Variants in SLC39A8 observed in about 807,000 individuals in gnomAD.
SLC39A8 encodes metal cation symporter ZIP8.
SLC39A8 carries 15 observed loss-of-function variants against 40.4 expected under a neutral mutation model. The ratio of observed to expected loss-of-function variants is 0.37; its 90% CI spans 0.25 to 0.57. SLC39A8 has a LOEUF of 0.57. Among genes scored for constraint, SLC39A8 ranks in the 20% least tolerant of loss-of-function variants. The pLI, the probability that SLC39A8 is intolerant of heterozygous loss-of-function variation, is 0.75. For missense variants in SLC39A8, 472 were observed against 558.8 expected (o/e 0.84, Z 1.57); for synonymous variants, 223 against 221.6 (o/e 1.01, Z -0.06).
At chr4:102,273,623 G>A (rs1178449818) in intron 6 of SLC39A8, among the ~76,000 whole-genome samples, 1 of 152,168 alleles carries the variant, frequency 6.6e-6, no homozygotes, top group Non-Finnish European at 1.5e-5. Context: ...TCCTCAAGTG[G>A]GTCCCTGACC....
At chr4:102,320,450 G>A (rs1285744056) in intron 2 of SLC39A8, among the ~76,000 whole-genome samples, 4 of 91,464 alleles carry the variant, frequency 4.4e-5, no homozygotes, top group African/African-American at 1.9e-4. Context: ...ATATATATAT[G>A]AGAGTATATA....
At chr4:102,255,289 A>T (rs1044224093) in intron 11 of SLC39A8, among the ~76,000 whole-genome samples, 1 of 152,220 alleles carries the variant, frequency 6.6e-6, no homozygotes, top group Non-Finnish European at 1.5e-5. Flanking sequence ...AGTTAAAGCC[A>T]AAAAGGACAT....
intron 8 of SLC39A8, among the ~76,000 whole-genome samples, chr4:102,265,698 AG>A (rs1300766472): frequency 6.6e-6 from 1 of 152,258 alleles, no homozygotes; most frequent in African/African-American, 2.4e-5. Flanking sequence ...GGATGTTTAA[AG>A]GTTTTAGTAC....
intron 2 of SLC39A8, among the ~76,000 whole-genome samples, chr4:102,323,154 C>A (rs1365295719): frequency 6.6e-6 from 1 of 152,198 alleles, no homozygotes; most frequent in Non-Finnish European, 1.5e-5. Flanking sequence ...TAATAAGAAT[C>A]CACCTATAAT....
At chr4:102,303,081 T>C (rs775757942) in intron 6 of SLC39A8, among the ~76,000 whole-genome samples, 1 of 151,994 alleles carries the variant, frequency 6.6e-6, no homozygotes, top group Non-Finnish European at 1.5e-5. Context: ...CAGATTGCTC[T>C]ATTTTTTTTG....
intron 2 of SLC39A8, among the ~76,000 whole-genome samples, chr4:102,316,898 AAG>A (rs1348246323): frequency 6.6e-6 from 1 of 152,136 alleles, no homozygotes; most frequent in Admixed American, 6.6e-5. Context: ...CACTTATAAA[AAG>A]AGACATCAAA....
At chr4:102,257,061 G>A (rs1731725242), downstream of SLC39A8, among the ~76,000 whole-genome samples, 1 of 152,004 alleles carries the variant, frequency 6.6e-6, no homozygotes, top group South Asian at 2.1e-4. Context: ...TTGAGAATAA[G>A]CATTTATAAA....
chr4:102,267,441 C>G, intron 8 of SLC39A8, 49 bp downstream of exon 8: 1 of 1,507,714 alleles, frequency 6.6e-7, no homozygotes, highest in Non-Finnish European at 8.9e-7. Flanking sequence ...TCCAGATACT[C>G]ATTTCCAAAT....
At chr4:102,313,548 T>C (rs1032986839) in intron 3 of SLC39A8, among the ~76,000 whole-genome samples, 1 of 152,104 alleles carries the variant, frequency 6.6e-6, no homozygotes, top group African/African-American at 2.4e-5. Context: ...ACTCTCTTTA[T>C]CTATCTATAC....
intron 6 of SLC39A8, among the ~76,000 whole-genome samples, chr4:102,276,500 CT>C (rs35032137): frequency 0.62 from 94,431 of 151,858 alleles, 29,896 homozygotes; most frequent in Middle Eastern, 0.73. Context: ...AATTAATAGT[CT>C]TAACAACCAA....
rs765148164 is a variant in SLC39A8, at chr4:102,315,849, A to C, written c.220-19T>G. 1.8e-5 allele frequency: 28 copies of C among 1,591,430 alleles called. No homozygotes were observed. Among genetic ancestry groups the C allele is most frequent in the African/African-American group, 4.1e-5 (3 of 73,474 alleles). On this transcript the variant is annotated intron_variant, in intron 2 of 8. Transcript: ENST00000356736. Reference sequence around the variant, plus strand: ...TTAAACACTGAAATAGAATAAACAAAAAAAAAATGTGATAATAATGTGTAA... The same window carrying C: ...TTAAACACTGAAATAGAATAAACAACAAAAAAATGTGATAATAATGTGTAA...
intron 6 of SLC39A8, among the ~76,000 whole-genome samples, chr4:102,301,609 T>C (rs1733932129): frequency 6.6e-6 from 1 of 152,070 alleles, no homozygotes; most frequent in African/African-American, 2.4e-5. Context: ...AATAAATGTT[T>C]ATTGAATAAG....
intron 6 of SLC39A8, among the ~76,000 whole-genome samples, chr4:102,298,812 C>A (rs940642403): frequency 6.6e-6 from 1 of 151,998 alleles, no homozygotes; most frequent in Admixed American, 6.6e-5. Context: ...CAACAAGAAG[C>A]AAAGTGATGC....
At chr4:102,341,780 A>G (rs1735957237) in intron 2 of SLC39A8, among the ~76,000 whole-genome samples, 1 of 152,224 alleles carries the variant, frequency 6.6e-6, no homozygotes, top group African/African-American at 2.4e-5. Context: ...ACCTTCCAAA[A>G]TTGTCTAACA....
chr4:102,257,938 T>C (rs1731745388), downstream of SLC39A8, among the ~76,000 whole-genome samples: 1 of 152,166 alleles, frequency 6.6e-6, no homozygotes, highest in South Asian at 2.1e-4. Flanking sequence ...TCCTGCTGTT[T>C]GCAGCTGCTG....
At chr4:102,256,321 G>A (rs962716429) in intron 11 of SLC39A8, among the ~76,000 whole-genome samples, 5 of 152,140 alleles carry the variant, frequency 3.3e-5, no homozygotes, top group East Asian at 1.9e-4. Context: ...ACATCTACAC[G>A]AGAAGGATTC....
intron 2 of SLC39A8, among the ~76,000 whole-genome samples, chr4:102,330,650 G>A (rs1022367652): frequency 6.6e-6 from 1 of 152,140 alleles, no homozygotes; most frequent in African/African-American, 2.4e-5. Context: ...TAGAAAAAGA[G>A]AGACTCTTCC....
chr4:102,282,226 T>C (rs1732918187), intron 6 of SLC39A8, among the ~76,000 whole-genome samples: 1 of 152,186 alleles, frequency 6.6e-6, no homozygotes, highest in Non-Finnish European at 1.5e-5. Context: ...TCACCCAGAA[T>C]GTAGTAGCAC....
chr4:102,292,735 C>A (rs940584890), intron 6 of SLC39A8, among the ~76,000 whole-genome samples: 1 of 152,014 alleles, frequency 6.6e-6, no homozygotes, highest in Non-Finnish European at 1.5e-5. Flanking sequence ...GTTTCTCTTA[C>A]TTAATCCCCA....
Sources: gnomAD v4.1 joint callset for allele counts (sites outside exome capture counted in the v4.1 genomes callset) on GRCh38, gnomAD v4.1.1 for gene constraint, MANE v1.5 for transcripts, NCBI Gene and HGNC (gene_info 2026-07-23, HGNC 2026-07-21) for gene names.